The following KATNIP variants were observed in gnomAD, a reference collection of about 807,000 sequenced individuals.
The protein encoded by KATNIP is katanin interacting protein.
A neutral mutation model predicts 174.0 loss-of-function variants in KATNIP; 126 were observed. The observed-to-expected ratio is 0.72, with a 90% confidence interval of 0.63 to 0.84. The LOEUF (loss-of-function observed/expected upper bound fraction) is 0.84. Ranked by LOEUF, KATNIP falls within the 40% of genes least tolerant of loss-of-function variation. The pLI is 0.00. For missense variants in KATNIP, 1,958 were observed against 2,109.7 expected (o/e 0.93, Z 1.41); for synonymous variants, 810 against 835.7 (o/e 0.97, Z 0.53).
chr16:27,629,222 C>G (rs1015431784), intron 4 of KATNIP, among the ~76,000 whole-genome samples: 1 of 150,356 alleles, frequency 6.7e-6, no homozygotes, highest in African/African-American at 2.4e-5. Context: ...ATGTGAACAA[C>G]GAACACAAGT....
chr16:27,739,995 A>G, intron 14 of KATNIP, 46 bp from the exon 15 acceptor site: 2 of 1,542,622 alleles, frequency 1.3e-6, no homozygotes, highest in Non-Finnish European at 8.7e-7. Context: ...TTCATACATC[A>G]GTCTGATGCT....
At chr16:27,569,577 AGTT>A (rs532348116) in intron 1 of KATNIP, among the ~76,000 whole-genome samples, 22 of 152,238 alleles carry the variant, frequency 1.4e-4, no homozygotes, top group Non-Finnish European at 3.2e-4. Context: ...TCCTTCTTTG[AGTT>A]GTTGTGAGAA....
intron 6 of KATNIP, among the ~76,000 whole-genome samples, chr16:27,650,981 A>G (rs1030907719): frequency 9.2e-5 from 14 of 152,178 alleles, no homozygotes; most frequent in Admixed American, 6.5e-4. Context: ...ACAGCCATCA[A>G]TTTCTCTTAA....
chr16:27,626,898 G>A (rs2076350050), intron 3 of KATNIP, among the ~76,000 whole-genome samples: 1 of 151,908 alleles, frequency 6.6e-6, no homozygotes, highest in Admixed American at 6.6e-5. Flanking sequence ...CCAGGAGGTG[G>A]AGGTTGCAGT....
chr16:27,778,081 T>C, intron 27 of KATNIP, 112 bp downstream of exon 27: 1 of 909,542 alleles, frequency 1.1e-6, no homozygotes. Context: ...CCTAGACCGC[T>C]CTCCTCTGCC....
At chr16:27,697,650 G>A (rs2078961644) in intron 8 of KATNIP, among the ~76,000 whole-genome samples, 1 of 151,534 alleles carries the variant, frequency 6.6e-6, no homozygotes, top group Non-Finnish European at 1.5e-5. Flanking sequence ...ACACACATAT[G>A]TGTATGCCTG....
chr16:27,576,328 A>G (rs1335198100), intron 2 of KATNIP, among the ~76,000 whole-genome samples: 1 of 152,128 alleles, frequency 6.6e-6, no homozygotes, highest in African/African-American at 2.4e-5. Context: ...GAAGCTGTTT[A>G]TCACAATACC....
chr16:27,705,163 G>A (rs1237711209), intron 12 of KATNIP, among the ~76,000 whole-genome samples: 2 of 151,912 alleles, frequency 1.3e-5, no homozygotes, highest in East Asian at 1.9e-4. Flanking sequence ...CACCCACCTC[G>A]GCCTCCCAAA....
chr16:27,603,281 C>T (rs892383521), intron 2 of KATNIP, among the ~76,000 whole-genome samples: 27 of 152,326 alleles, frequency 1.8e-4, no homozygotes, highest in African/African-American at 6.3e-4. Context: ...CCCCTTTCAT[C>T]CTCCTAACCT....
intron 12 of KATNIP, among the ~76,000 whole-genome samples, chr16:27,705,948 G>A (rs1047818725): frequency 6.6e-6 from 1 of 152,270 alleles, no homozygotes; most frequent in East Asian, 1.9e-4. Context: ...AAAATGCTGG[G>A]ATTACAGCTG....
chr16:27,647,039 G>A (rs79856376), intron 5 of KATNIP, among the ~76,000 whole-genome samples: 87 of 141,786 alleles, frequency 6.1e-4, no homozygotes, highest in African/African-American at 2.1e-3. Context: ...GAGTCAGAAC[G>A]GGTTCACGCG....
intron 6 of KATNIP, among the ~76,000 whole-genome samples, chr16:27,665,135 T>C (rs917858836): frequency 2.0e-4 from 31 of 151,612 alleles, no homozygotes; most frequent in African/African-American, 7.5e-4. Context: ...TGTTTTTTTT[T>C]TTTTTTCTTG....
chr16:27,670,515 GT>G (rs1456197802), intron 6 of KATNIP, among the ~76,000 whole-genome samples: 3 of 152,346 alleles, frequency 2.0e-5, no homozygotes, highest in Admixed American at 2.0e-4. Context: ...GTTTCTGGCT[GT>G]TTGAGATGGA....
intron 8 of KATNIP, among the ~76,000 whole-genome samples, chr16:27,694,625 G>A (rs985117973): frequency 6.6e-5 from 10 of 151,714 alleles, no homozygotes; most frequent in Non-Finnish European, 1.5e-4. Flanking sequence ...GTGAAACCCC[G>A]TCTCTACAAA....
At chr16:27,589,184 G>A (rs2075094606) in intron 2 of KATNIP, among the ~76,000 whole-genome samples, 1 of 152,028 alleles carries the variant, frequency 6.6e-6, no homozygotes, top group African/African-American at 2.4e-5. Context: ...GGGATTACAG[G>A]CATGAGCCAC....
At chr16:27,773,923 C>G (rs1038415262) in intron 23 of KATNIP, among the ~76,000 whole-genome samples, 1 of 152,174 alleles carries the variant, frequency 6.6e-6, no homozygotes, top group Non-Finnish European at 1.5e-5. Context: ...TCACAACAAT[C>G]TTGTGAGGTG....
intron 14 of KATNIP, among the ~76,000 whole-genome samples, chr16:27,738,461 A>T (rs1001816026): frequency 2.0e-5 from 3 of 152,212 alleles, no homozygotes; most frequent in African/African-American, 7.2e-5. Context: ...AAGCTGGAAA[A>T]AGAGTTTTGC....
At chr16:27,575,685 G>A (rs553252761) in intron 2 of KATNIP, among the ~76,000 whole-genome samples, 2 of 152,294 alleles carry the variant, frequency 1.3e-5, no homozygotes, top group East Asian at 1.9e-4. Context: ...TGCACTCAGC[G>A]TCGTGTGAGT....
chr16:27,662,254 A>T (rs1270650617), intron 6 of KATNIP, among the ~76,000 whole-genome samples: 1 of 151,216 alleles, frequency 6.6e-6, no homozygotes, highest in East Asian at 1.9e-4. Flanking sequence ...TTTCCTGTGG[A>T]CCAAACAAAA....
Sources: allele counts gnomAD v4.1 joint callset (sites outside exome capture counted in the v4.1 genomes callset), GRCh38; gene constraint gnomAD v4.1.1; transcripts MANE v1.5; gene names NCBI Gene and HGNC (gene_info 2026-07-23, HGNC 2026-07-21).